NTRK3: variants seen among roughly 807,000 people sequenced by gnomAD.
The protein encoded by NTRK3 is NT-3 growth factor receptor.
Under a neutral mutation model 91.7 loss-of-function variants are expected in NTRK3, and 24 were observed. The observed-to-expected ratio is 0.26, with a 90% confidence interval of 0.19 to 0.37. NTRK3 has a LOEUF of 0.37. NTRK3 is among the 10% of genes least tolerant of loss of function. NTRK3 has a pLI of 1.00. For missense variants in NTRK3, 880 were observed against 1,068.9 expected, an observed-to-expected ratio of 0.82 and a Z score of 2.46; for synonymous variants, 483 against 404.0, an observed-to-expected ratio of 1.20 and a Z score of -2.34.
At chr15:87,870,991 A>T (rs2064815192) in exon 19 of NTRK3, 1 of 231,142 alleles carries the variant, frequency 4.3e-6, no homozygotes, top group African/African-American at 2.2e-5. Flanking sequence ...AAAGATAGCC[A>T]AGCTCACTGG....
intron 5 of NTRK3, among the ~76,000 whole-genome samples, chr15:88,172,892 C>A (rs2045649540): frequency 6.6e-6 from 1 of 152,150 alleles, no homozygotes; most frequent in Non-Finnish European, 1.5e-5. Context: ...ACAAGGGTAC[C>A]AGGAGCAGTA....
chr15:88,070,726 G>A (rs2047023212), intron 13 of NTRK3, among the ~76,000 whole-genome samples: 2 of 152,058 alleles, frequency 1.3e-5, no homozygotes, highest in Admixed American at 1.3e-4. Flanking sequence ...GGTCTGCAGG[G>A]AAGCCTGGTA....
rs1411801731 is a variant in NTRK3, at chr15:87,996,734, C to G, written c.1585+36123G>C. On this transcript the variant is annotated intron_variant, in intron 14 of 18. Transcript: ENST00000394480. Reference sequence around the variant, plus strand: ...CACTTGCTATTAAATAAGGCTCTTCCAGCCAGGCATGGCAGCACACAGAGG... The same window carrying G: ...CACTTGCTATTAAATAAGGCTCTTCGAGCCAGGCATGGCAGCACACAGAGG... Among the ~76,000 whole-genome samples the G allele has an allele frequency of 2.0e-5, 3 of 152,318 alleles. No individual in the cohort carries two copies. In the East Asian group the frequency reaches 5.8e-4, roughly 29 times the overall value.
At chr15:88,130,148 T>C (rs955102264) in intron 10 of NTRK3, among the ~76,000 whole-genome samples, 2 of 152,246 alleles carry the variant, frequency 1.3e-5, no homozygotes, top group African/African-American at 4.8e-5. Flanking sequence ...ACCCAGTCTA[T>C]GGTATTTCAC....
chr15:88,250,710 C>G (rs1433408292), intron 3 of NTRK3, among the ~76,000 whole-genome samples: 1 of 152,208 alleles, frequency 6.6e-6, no homozygotes, highest in East Asian at 1.9e-4. Context: ...TGTCACCACC[C>G]TGTCTCCTTC....
intron 17 of NTRK3, among the ~76,000 whole-genome samples, chr15:87,899,927 A>G (rs763253030): frequency 1.3e-5 from 2 of 152,100 alleles, no homozygotes; most frequent in Non-Finnish European, 2.9e-5. Flanking sequence ...ACACACCTAA[A>G]GCTTTCTTGG....
At chr15:88,006,443 G>T (rs2076496087) in intron 14 of NTRK3, among the ~76,000 whole-genome samples, 1 of 152,326 alleles carries the variant, frequency 6.6e-6, no homozygotes, top group Middle Eastern at 3.4e-3. Flanking sequence ...TGGGGAAAAA[G>T]GATTGATAGA....
intron 14 of NTRK3, among the ~76,000 whole-genome samples, chr15:88,024,000 C>T (rs2077809304): frequency 6.6e-6 from 1 of 152,236 alleles, no homozygotes; most frequent in African/African-American, 2.4e-5. Flanking sequence ...TTACCCTACG[C>T]TAAGCGATGT....
At chr15:87,901,084 G>A (rs1041174889) in intron 17 of NTRK3, among the ~76,000 whole-genome samples, 41 of 152,136 alleles carry the variant, frequency 2.7e-4, no homozygotes, top group African/African-American at 9.7e-4. Flanking sequence ...TGAAAGAGAT[G>A]GAGGAGCTGT....
chr15:88,117,279 G>T (rs1297293198), intron 13 of NTRK3, among the ~76,000 whole-genome samples: 1 of 152,076 alleles, frequency 6.6e-6, no homozygotes, highest in Non-Finnish European at 1.5e-5. Context: ...CTTTAAAGTG[G>T]GAATAATAGC....
intron 13 of NTRK3, among the ~76,000 whole-genome samples, chr15:88,115,686 A>G (rs1021068562): frequency 2.0e-5 from 3 of 152,134 alleles, no homozygotes; most frequent in Non-Finnish European, 4.4e-5. Flanking sequence ...TCTTCTGCCA[A>G]CTATGCAACT....
chr15:87,890,570 TACACACACACACACACACAC>T (rs58806302), intron 17 of NTRK3, among the ~76,000 whole-genome samples: 421 of 147,832 alleles, frequency 2.8e-3, no homozygotes, highest in Non-Finnish European at 4.4e-3. Flanking sequence ...GCTTGTTCTT[TACACACACACACACACACAC>T]ACACACACAC....
intron 14 of NTRK3, among the ~76,000 whole-genome samples, chr15:87,970,099 G>C (rs1226637843): frequency 1.3e-5 from 2 of 152,170 alleles, no homozygotes; most frequent in East Asian, 3.9e-4. Flanking sequence ...AACTCTACTA[G>C]CTACTCAGAG....
At chr15:88,214,078 C>G (rs916338423) in intron 3 of NTRK3, among the ~76,000 whole-genome samples, 98 of 41,760 alleles carry the variant, frequency 2.3e-3, no homozygotes, top group Middle Eastern at 0.016. Flanking sequence ...GACTCTGTCT[C>G]AAAAAAGAAA....
chr15:88,232,876 C>T (rs955517175), intron 3 of NTRK3, among the ~76,000 whole-genome samples: 6 of 152,142 alleles, frequency 3.9e-5, no homozygotes, highest in African/African-American at 1.4e-4. Flanking sequence ...GATGTCACTA[C>T]CCCCACACAC....
chr15:88,215,322 G>T (rs954029960), intron 3 of NTRK3, among the ~76,000 whole-genome samples: 2 of 152,232 alleles, frequency 1.3e-5, no homozygotes, highest in Admixed American at 6.5e-5. Flanking sequence ...TAAGCAGCAT[G>T]CCCAGCTCCA....
intron 13 of NTRK3, among the ~76,000 whole-genome samples, chr15:88,074,625 G>A (rs2047377466): frequency 1.3e-5 from 2 of 152,162 alleles, no homozygotes; most frequent in Non-Finnish European, 2.9e-5. Flanking sequence ...CTCCCACCCA[G>A]CATCCTCTTG....
intron 16 of NTRK3, among the ~76,000 whole-genome samples, chr15:87,932,199 G>A (rs566527346): frequency 3.9e-5 from 6 of 152,312 alleles, no homozygotes; most frequent in East Asian, 1.9e-4. Flanking sequence ...AAGAGCCCTC[G>A]AAGTCCAGAT....
intron 10 of NTRK3, 73 bp downstream of exon 10, chr15:88,135,028 A>C: frequency 6.4e-7 from 1 of 1,558,644 alleles, no homozygotes; most frequent in Non-Finnish European, 8.8e-7. Context: ...TTCTCCTCTC[A>C]AGCTACCATG....
Sources: gnomAD v4.1 joint callset for allele counts (sites outside exome capture counted in the v4.1 genomes callset) on GRCh38, gnomAD v4.1.1 for gene constraint, MANE v1.5 for transcripts, NCBI Gene and HGNC (gene_info 2026-07-23, HGNC 2026-07-21) for gene names.